Variants in SETD5 observed in about 807,000 individuals in gnomAD.
SETD5 encodes the protein SET domain containing 5, also known as histone-lysine N-methyltransferase SETD5.
In SETD5, 44 loss-of-function variants were observed where a neutral mutation model predicts 153.3. That is an observed-to-expected ratio of 0.29 (90% CI 0.23 to 0.37). The LOEUF is 0.37. Among genes scored for constraint, SETD5 ranks in the 10% least tolerant of loss-of-function variants. The pLI is 1.00. For missense variants in SETD5, 1,544 were observed against 1,768.0 expected (o/e 0.87, Z 2.27); for synonymous variants, 716 against 645.2 (o/e 1.11, Z -1.66).
intron 16 of SETD5, among the ~76,000 whole-genome samples, chr3:9,449,836 G>A (rs1400109800): frequency 1.3e-5 from 2 of 152,114 alleles, no homozygotes; most frequent in South Asian, 2.1e-4. Context: ...TGGTTTGTTC[G>A]GGGAAACGCT....
intron 13 of SETD5, among the ~76,000 whole-genome samples, chr3:9,446,296 A>AC (rs939777593): frequency 2.3e-5 from 3 of 131,958 alleles, no homozygotes; most frequent in African/African-American, 8.6e-5. Context: ...CAAAAAAAAA[A>AC]AAAAAAAAAA....
At chr3:9,410,390 A>G (rs1351202354) in intron 1 of SETD5, among the ~76,000 whole-genome samples, 6 of 152,362 alleles carry the variant, frequency 3.9e-5, no homozygotes, top group African/African-American at 1.4e-4. Context: ...ATATATAGTC[A>G]GATTACAGTA....
At chr3:9,447,415 C>A in intron 14 of SETD5, 108 bp downstream of exon 14, 1 of 1,433,656 alleles carries the variant, frequency 7.0e-7, no homozygotes, top group South Asian at 1.4e-5. Context: ...CTCCATATCA[C>A]AATAAATAAG....
intron 14 of SETD5, 70 bp from the exon 15 acceptor site, chr3:9,447,616 G>A (rs754309567): frequency 2.5e-5 from 38 of 1,499,242 alleles, no homozygotes; most frequent in Non-Finnish European, 3.1e-5. Flanking sequence ...AATGCTTAAA[G>A]TGAATAGGAA....
chr3:9,434,460 T>A lies in SETD5; in HGVS notation c.304T>A (p.Phe102Ile). 2 of 1,613,982 alleles carry A rather than the reference T, an allele frequency of 1.2e-6. No individual in the cohort carries two copies. The highest frequency in any genetic ancestry group is 1.7e-6 in the Non-Finnish European group (2 of 1,179,876). ...WCPCGLSQDG[F>I]LLNCDKCRGM... ...TCCTTGTGGTCTTTCTCAGGATGGC[T>A]TCCTTCTCAACTGTGACAAGTGCAG... The change falls in exon 5 of 23, where the codon TTC becomes ATC. Residue 102 changes from phenylalanine to isoleucine, a missense_variant. This residue lies in a region of SETD5 where 251 missense variants were observed against 326.9 expected (regional missense o/e 0.77). Transcript: ENST00000402198. This position sits in a 1 kb window ranked among gnomAD's most constrained non-coding sequence, Gnocchi z 5.6.
At position 9,434,234 on chromosome 3, in the gene SETD5, GC is replaced by G. The variant is rs1471799672; in HGVS notation, c.178-98del. 6.5e-7 allele frequency: 1 copy of G among 1,547,250 alleles called. No individual in the cohort carries two copies. ...GTACCATACTTTAGGGGAGAGAGGG[GC>G]CAGTGTTTGGACACTGTTGATTTAA... On this transcript the variant is annotated intron_variant, in intron 4 of 22. Transcript: ENST00000402198. The surrounding 1 kb of genome is among the most constrained non-coding windows in gnomAD (Gnocchi z 5.6).
intron 1 of SETD5, among the ~76,000 whole-genome samples, chr3:9,411,960 G>C (rs1465891080): frequency 6.6e-6 from 1 of 151,952 alleles, no homozygotes; most frequent in African/African-American, 2.4e-5. Flanking sequence ...ATTTAATAAA[G>C]AAAGTTTTAA....
chr3:9,401,300 ATGTT>A (rs936328842), intron 1 of SETD5, among the ~76,000 whole-genome samples: 7 of 152,182 alleles, frequency 4.6e-5, no homozygotes, highest in Admixed American at 2.6e-4. Context: ...TAAGATAAAA[ATGTT>A]TGTAGTTTTT....
chr3:9,446,075 C>T (rs1257103178), intron 13 of SETD5, among the ~76,000 whole-genome samples: 4 of 147,968 alleles, frequency 2.7e-5, no homozygotes, highest in African/African-American at 7.5e-5. Context: ...ATCACGAGGT[C>T]AGGAGATCGA....
At chr3:9,471,405 C>G (rs1019970349) in intron 19 of SETD5, among the ~76,000 whole-genome samples, 1 of 152,312 alleles carries the variant, frequency 6.6e-6, no homozygotes, top group South Asian at 2.1e-4. Flanking sequence ...CAGCAGGTTA[C>G]TGATTTAACT....
At chr3:9,436,186 G>C (rs2040546483) in intron 7 of SETD5, among the ~76,000 whole-genome samples, 1 of 152,134 alleles carries the variant, frequency 6.6e-6, no homozygotes, top group South Asian at 2.1e-4. Flanking sequence ...ATGTGTTGCA[G>C]CCTCAAGTCT....
chr3:9,404,799 A>C (rs544425097), intron 1 of SETD5, among the ~76,000 whole-genome samples: 37 of 152,328 alleles, frequency 2.4e-4, no homozygotes, highest in African/African-American at 8.7e-4. Flanking sequence ...AAGGGACCAC[A>C]TTTTGATTCC....
chr3:9,429,625 A>G (rs2039735325), intron 3 of SETD5, among the ~76,000 whole-genome samples: 1 of 152,006 alleles, frequency 6.6e-6, no homozygotes, highest in Admixed American at 6.6e-5. Flanking sequence ...CTAAAATTAT[A>G]CTCTCAATTC....
At chr3:9,421,735 A>G (rs992292499) in intron 1 of SETD5, among the ~76,000 whole-genome samples, 24 of 152,204 alleles carry the variant, frequency 1.6e-4, no homozygotes, top group African/African-American at 5.3e-4. Context: ...CCCTTTTGAA[A>G]TATTCCCAAA....
At chr3:9,447,001 C>T (rs2042096482) in intron 13 of SETD5, 49 bp from the exon 14 acceptor site, 1 of 1,416,936 alleles carries the variant, frequency 7.1e-7, no homozygotes, top group Non-Finnish European at 9.6e-7. Context: ...AAGCTATCCA[C>T]TCGTCCTCAT....
chr3:9,448,522 G>A lies in SETD5; in HGVS notation c.2238G>A (p.Pro746=), dbSNP rs1382376310. Residue 746 remains proline (P), a synonymous_variant, in exon 16 of 23, where the codon CCG becomes CCA. Transcript: ENST00000402198. ...LNMLPGLIHS[P]LICTTPKHYI... is the part of the protein sequence containing the mutation. ...TGTTACCAGGTCTTATCCATTCCCC[G>A]TTAATTTGCACCACCCCCAAACACT... 1.5e-5 allele frequency: 24 copies of A among 1,613,718 alleles called. No individual in the cohort carries two copies. Among genetic ancestry groups the A allele is most frequent in the South Asian group, 2.2e-5 (2 of 91,082 alleles).
rs201241487 is a variant in SETD5, at chr3:9,447,683, C to T, written c.1783-3C>T. ...TAAGCATCTGACCCTACTATTGCTACAGGATATTGCTGCAGAAAAACTAGT... is the reference window on the plus strand; with the variant it reads ...TAAGCATCTGACCCTACTATTGCTATAGGATATTGCTGCAGAAAAACTAGT... On this transcript the variant is annotated splice_region_variant and splice_polypyrimidine_tract_variant and intron_variant, in intron 14 of 22. Transcript: ENST00000402198. 94 of 1,612,962 alleles carry T rather than the reference C, an allele frequency of 5.8e-5. No homozygotes were observed. The highest frequency in any genetic ancestry group is 4.0e-5 in the African/African-American group (3 of 74,856).
At chr3:9,437,173 T>C (rs1365375393) in intron 7 of SETD5, among the ~76,000 whole-genome samples, 1 of 152,190 alleles carries the variant, frequency 6.6e-6, no homozygotes, top group East Asian at 1.9e-4. Context: ...GGCTAGTGTG[T>C]TCTGTCACTG....
chr3:9,438,471 A>G (rs1380374823), intron 7 of SETD5, among the ~76,000 whole-genome samples: 1 of 152,108 alleles, frequency 6.6e-6, no homozygotes, highest in African/African-American at 2.4e-5. Flanking sequence ...CATAAACCCC[A>G]TATTTTGCTT....
Sources: gnomAD v4.1 joint callset for allele counts (sites outside exome capture counted in the v4.1 genomes callset) on GRCh38, gnomAD v4.1.1 for gene constraint, gnomAD v4.1.1 regional missense constraint, Gnocchi (gnomAD v3.1) non-coding constraint, MANE v1.5 for transcripts, NCBI Gene and HGNC (gene_info 2026-07-23, HGNC 2026-07-21) for gene names.